The following UPRT variants were observed in gnomAD, a reference collection of about 807,000 sequenced individuals.
The protein encoded by UPRT is uracil phosphoribosyltransferase homolog.
A neutral mutation model predicts 22.6 loss-of-function variants in UPRT; 5 were observed. That is an observed-to-expected ratio of 0.22 (90% CI 0.12 to 0.47). UPRT has a LOEUF of 0.47. Among genes scored for constraint, UPRT ranks in the 20% least tolerant of loss-of-function variants. The pLI, the probability that UPRT is intolerant of heterozygous loss-of-function variation, is 0.99. For missense variants in UPRT, 181 were observed against 239.9 expected, an observed-to-expected ratio of 0.75 and a Z score of 1.62; for synonymous variants, 77 against 87.7, an observed-to-expected ratio of 0.88 and a Z score of 0.68.
At chrX:75,156,549 T>C in exon 1 of UPRT, 2 of 460,213 alleles carry the variant, frequency 4.3e-6, no homozygotes, top group Admixed American at 5.6e-5. Flanking sequence ...GATGCCTACC[T>C]AGTTAAGTTT....
chrX:75,193,371 T>A (rs2082322347), intron 4 of UPRT, among the ~76,000 whole-genome samples: 1 of 111,938 alleles, frequency 8.9e-6, no homozygotes, highest in Non-Finnish European at 1.9e-5. Flanking sequence ...AGCTTTTCTG[T>A]CCCTTTTCTC....
At chrX:75,211,200 G>A (rs903723022) in intron 4 of UPRT, among the ~76,000 whole-genome samples, 1 of 110,981 alleles carries the variant, frequency 9.0e-6, no homozygotes, top group African/African-American at 3.3e-5. Context: ...ACCCCAGAGG[G>A]GAGTGAATAC....
At chrX:75,280,853 G>T (rs1024373510) in intron 1 of UPRT, among the ~76,000 whole-genome samples, 1 of 111,373 alleles carries the variant, frequency 9.0e-6, no homozygotes, top group Non-Finnish European at 1.9e-5. Flanking sequence ...TTTGTAGATT[G>T]CTTTTGGCAG....
intron 4 of UPRT, among the ~76,000 whole-genome samples, chrX:75,188,918 G>T: frequency 8.9e-6 from 1 of 111,742 alleles, no homozygotes; most frequent in Admixed American, 9.4e-5. Flanking sequence ...CTACTGTCTG[G>T]CACTCCCTAG....
At chrX:75,241,196 A>G (rs183515018) in intron 4 of UPRT, among the ~76,000 whole-genome samples, 1 of 111,854 alleles carries the variant, frequency 8.9e-6, no homozygotes, top group Admixed American at 9.5e-5. Context: ...ACTAATATCC[A>G]GAATCTCCAA....
intron 4 of UPRT, among the ~76,000 whole-genome samples, chrX:75,170,035 C>CT (rs34570333): frequency 2.2e-3 from 117 of 53,360 alleles, no homozygotes; most frequent in African/African-American, 6.1e-3. Context: ...CGCTCTGTGT[C>CT]TTTTTTTTTT....
At chrX:75,267,146 T>A (rs2082592332) in intron 4 of UPRT, among the ~76,000 whole-genome samples, 1 of 111,944 alleles carries the variant, frequency 8.9e-6, no homozygotes, top group Non-Finnish European at 1.9e-5. Flanking sequence ...CATGTATGTT[T>A]ATTGAGGCAC....
chrX:75,221,884 A>G (rs1030027696), intron 4 of UPRT, among the ~76,000 whole-genome samples: 2 of 111,568 alleles, frequency 1.8e-5, no homozygotes, highest in African/African-American at 6.5e-5. Flanking sequence ...TGGATGTTTG[A>G]TGAACAGTTT....
At chrX:75,233,759 C>A (rs922110982) in intron 4 of UPRT, among the ~76,000 whole-genome samples, 18 of 110,763 alleles carry the variant, frequency 1.6e-4, no homozygotes, top group African/African-American at 4.9e-4. Context: ...ACCACCAGGC[C>A]TGCCCTAAAA....
chrX:75,186,620 G>T (rs1302650667), intron 4 of UPRT, among the ~76,000 whole-genome samples: 1 of 111,231 alleles, frequency 9.0e-6, no homozygotes, highest in African/African-American at 3.3e-5. Flanking sequence ...TTGACAGTGG[G>T]GTGTTAAAAT....
intron 4 of UPRT, among the ~76,000 whole-genome samples, chrX:75,241,651 T>C (rs2082488993): frequency 9.0e-6 from 1 of 111,568 alleles, no homozygotes; most frequent in Non-Finnish European, 1.9e-5. Context: ...CAATTTACAA[T>C]TGCAAAAATG....
At chrX:75,269,966 G>A (rs2082603028), upstream of UPRT, among the ~76,000 whole-genome samples, 1 of 111,256 alleles carries the variant, frequency 9.0e-6, no homozygotes, top group Non-Finnish European at 1.9e-5. Flanking sequence ...GGGTGAAAAG[G>A]CAACCTACAG....
intron 4 of UPRT, among the ~76,000 whole-genome samples, chrX:75,237,173 A>T (rs1415452461): frequency 8.9e-6 from 1 of 112,674 alleles, no homozygotes; most frequent in Non-Finnish European, 1.9e-5. Context: ...GAAGACATTT[A>T]TGCAGCCAAA....
chrX:75,221,698 A>G (rs1322536115), intron 4 of UPRT, among the ~76,000 whole-genome samples: 1 of 111,519 alleles, frequency 9.0e-6, no homozygotes. Context: ...AATTTATCAG[A>G]TAGGATTCTG....
At chrX:75,215,798 C>T (rs1024955676) in intron 4 of UPRT, among the ~76,000 whole-genome samples, 1 of 111,224 alleles carries the variant, frequency 9.0e-6, no homozygotes, top group Non-Finnish European at 1.9e-5. Context: ...GACAAATCTG[C>T]ACACGTACTT....
chrX:75,181,000 A>G (rs1410839563), intron 4 of UPRT, among the ~76,000 whole-genome samples: 1 of 110,287 alleles, frequency 9.1e-6, no homozygotes, highest in Non-Finnish European at 1.9e-5. Flanking sequence ...TTTGGGTTTT[A>G]AATTTATGTC....
chrX:75,249,865 A>G (rs2082522166), intron 4 of UPRT, among the ~76,000 whole-genome samples: 1 of 111,735 alleles, frequency 8.9e-6, no homozygotes, highest in Admixed American at 9.5e-5. Flanking sequence ...ACTGTCTCTC[A>G]GACCACAGTG....
intron 4 of UPRT, among the ~76,000 whole-genome samples, chrX:75,177,057 C>G (rs181526340): frequency 9.0e-6 from 1 of 111,140 alleles, no homozygotes; most frequent in Non-Finnish European, 1.9e-5. Context: ...AAGACAAAAC[C>G]GCCCATGGTT....
At chrX:75,188,907 C>CCCA (rs1358595536) in intron 4 of UPRT, among the ~76,000 whole-genome samples, 4 of 111,549 alleles carry the variant, frequency 3.6e-5, no homozygotes, top group Non-Finnish European at 7.5e-5. Flanking sequence ...CTGACCTGCG[C>CCCA]CTACTGTCTG....
Sources: gnomAD v4.1 joint callset for allele counts (sites outside exome capture counted in the v4.1 genomes callset) on GRCh38, gnomAD v4.1.1 for gene constraint, MANE v1.5 for transcripts, NCBI Gene and HGNC (gene_info 2026-07-23, HGNC 2026-07-21) for gene names.